The following RSRC1 variants were observed in gnomAD, a reference collection of about 807,000 sequenced individuals.
RSRC1 encodes the protein arginine and serine rich coiled-coil 1.
A neutral mutation model predicts 49.1 loss-of-function variants in RSRC1; 39 were observed. The observed-to-expected ratio is 0.79, with a 90% CI of 0.61 to 1.04. The LOEUF is 1.04. Ranked by LOEUF, RSRC1 falls within the 50% of genes least tolerant of loss-of-function variation. The pLI is 0.00. For missense variants in RSRC1, 388 were observed against 402.4 expected (o/e 0.96, Z 0.31); for synonymous variants, 143 against 130.8 (o/e 1.09, Z -0.63).
At chr3:158,342,027 T>C (rs1730273760) in intron 5 of RSRC1, among the ~76,000 whole-genome samples, 1 of 152,234 alleles carries the variant, frequency 6.6e-6, no homozygotes, top group African/African-American at 2.4e-5. Flanking sequence ...GGAATGGCTA[T>C]ATTTACCCAA....
intron 1 of RSRC1, among the ~76,000 whole-genome samples, chr3:158,120,219 A>G (rs1297593015): frequency 6.6e-6 from 1 of 152,188 alleles, no homozygotes; most frequent in Non-Finnish European, 1.5e-5. Flanking sequence ...TGGCTTAGAT[A>G]TGTAAGTGAT....
At chr3:158,514,188 T>A (rs1352208367) in intron 7 of RSRC1, among the ~76,000 whole-genome samples, 25 of 152,258 alleles carry the variant, frequency 1.6e-4, no homozygotes, top group Admixed American at 2.6e-4. Flanking sequence ...TTGCTTTTCT[T>A]GTTCTTTTAA....
rs1408505763 is a variant in RSRC1, at chr3:158,539,729, G to A, written c.759+2531G>A. Among the ~76,000 whole-genome samples the A allele has an allele frequency of 6.6e-6, 1 of 152,110 alleles. No homozygotes were observed. The highest frequency in any genetic ancestry group is 1.5e-5 in the Non-Finnish European group (1 of 68,006). The stretch of plus-strand genomic sequence containing the variant: ...TCTCACTTAAATAAAGAAGCAATTA[G>A]TGGTTCTCTCTACAAATTTTTAATT... On this transcript the variant is annotated intron_variant, in intron 8 of 9. Transcript: ENST00000611884. This position sits in a 1 kb window ranked among gnomAD's most constrained non-coding sequence, Gnocchi z 4.1.
chr3:158,162,329 G>T (rs1718278620), intron 3 of RSRC1, among the ~76,000 whole-genome samples: 1 of 152,122 alleles, frequency 6.6e-6, no homozygotes, highest in African/African-American at 2.4e-5. Flanking sequence ...TACTTTTTTA[G>T]TCGGGCCTAC....
At chr3:158,355,067 A>T in intron 6 of RSRC1, 159 bp downstream of exon 6, 1 of 464,206 alleles carries the variant, frequency 2.2e-6, no homozygotes, top group Non-Finnish European at 3.8e-6. Flanking sequence ...ATTATCTGAA[A>T]TATTTATTGC....
At chr3:158,454,495 A>G (rs2108395176) in intron 6 of RSRC1, among the ~76,000 whole-genome samples, 1 of 152,262 alleles carries the variant, frequency 6.6e-6, no homozygotes, top group South Asian at 2.1e-4. Flanking sequence ...ATCTTCTAAC[A>G]CATTCATTTA....
intron 3 of RSRC1, among the ~76,000 whole-genome samples, chr3:158,189,796 C>T (rs1056195056): frequency 1.3e-5 from 2 of 151,710 alleles, no homozygotes; most frequent in Non-Finnish European, 2.9e-5. Context: ...TTTGTCCAAT[C>T]CATTTTTTCG....
At chr3:158,497,499 C>G (rs904394554) in intron 7 of RSRC1, among the ~76,000 whole-genome samples, 1 of 149,304 alleles carries the variant, frequency 6.7e-6, no homozygotes, top group Non-Finnish European at 1.5e-5. Context: ...TGCAGTGGCT[C>G]AATCTCGGCT....
intron 4 of RSRC1, among the ~76,000 whole-genome samples, chr3:158,286,545 A>G (rs1233827376): frequency 6.6e-6 from 1 of 152,192 alleles, no homozygotes; most frequent in Non-Finnish European, 1.5e-5. Flanking sequence ...AAGTGCAAAG[A>G]GGTCTTTAGG....
chr3:158,202,958 T>A (rs1030964377), intron 3 of RSRC1, 114 bp from the exon 4 acceptor site: 2 of 722,354 alleles, frequency 2.8e-6, no homozygotes, highest in African/African-American at 3.6e-5. Flanking sequence ...GGTTATTTAT[T>A]TCTGAGTCCA....
chr3:158,325,252 T>G lies in RSRC1; in HGVS notation c.531+27177T>G, dbSNP rs1729058156. ...GTTTAATTAGATCCCATTTGTCAAT[T>G]TTGGCTTCTGTTGCCATTGCTTTTG... On this transcript the variant is annotated intron_variant, in intron 5 of 9. Coordinates refer to ENST00000611884, the MANE Select transcript of RSRC1 (RefSeq NM_001271838.2). 2.6e-5 allele frequency among the ~76,000 whole-genome samples: 4 copies of G among 152,364 alleles called. 1 individual carries two copies. In the South Asian group the frequency reaches 8.3e-4, roughly 32 times the overall value.
intron 6 of RSRC1, among the ~76,000 whole-genome samples, chr3:158,358,466 G>T (rs1731278460): frequency 6.6e-6 from 1 of 152,124 alleles, no homozygotes; most frequent in Non-Finnish European, 1.5e-5. Flanking sequence ...CTAATGAATA[G>T]TGGAAAGATC....
At chr3:158,456,879 A>G (rs778003305) in intron 6 of RSRC1, among the ~76,000 whole-genome samples, 1 of 152,106 alleles carries the variant, frequency 6.6e-6, no homozygotes, top group East Asian at 1.9e-4. Context: ...AAATTCATAC[A>G]TAATAGTTGT....
intron 6 of RSRC1, among the ~76,000 whole-genome samples, chr3:158,402,138 A>G (rs1187027754): frequency 6.6e-6 from 1 of 151,900 alleles, no homozygotes; most frequent in Non-Finnish European, 1.5e-5. Context: ...ACCTTGAGTA[A>G]TTATAGCTAG....
intron 5 of RSRC1, among the ~76,000 whole-genome samples, chr3:158,354,188 A>C (rs921910255): frequency 1.3e-5 from 2 of 151,492 alleles, no homozygotes; most frequent in South Asian, 2.1e-4. Flanking sequence ...ATGGGGTTTC[A>C]CCATGTTGGC....
chr3:158,415,967 T>C (rs1254197762), intron 6 of RSRC1, among the ~76,000 whole-genome samples: 1 of 152,048 alleles, frequency 6.6e-6, no homozygotes, highest in Non-Finnish European at 1.5e-5. Context: ...TATCTAGACT[T>C]ATCTTTTTGT....
chr3:158,396,822 T>G (rs1733637340), intron 6 of RSRC1, among the ~76,000 whole-genome samples: 1 of 152,150 alleles, frequency 6.6e-6, no homozygotes, highest in Non-Finnish European at 1.5e-5. Context: ...CAATAATGGC[T>G]AAGATTTACT....
intron 6 of RSRC1, among the ~76,000 whole-genome samples, chr3:158,388,182 A>ATATT (rs376177093): frequency 6.6e-5 from 10 of 151,704 alleles, no homozygotes; most frequent in African/African-American, 2.4e-4. Context: ...TCAAACATTA[A>ATATT]TATTATATAA....
chr3:158,544,485 C>A lies in RSRC1; in HGVS notation c.*210C>A. The A allele has an allele frequency of 2.7e-6, 1 of 365,728 alleles. No individual in the cohort carries two copies. 22.7% of individuals were successfully genotyped at this position (365,728 alleles called of 1,614,324 possible). ...AAAATTAAAACAAAATTTAAGATTGCATGAAAATGTTATACTGTTAATAAA... is the reference window on the plus strand; with the variant it reads ...AAAATTAAAACAAAATTTAAGATTGAATGAAAATGTTATACTGTTAATAAA... On this transcript the variant is annotated 3_prime_UTR_variant, in exon 10 of 10. Transcript: ENST00000611884.
Sources: gnomAD v4.1 joint callset for allele counts (sites outside exome capture counted in the v4.1 genomes callset) on GRCh38, gnomAD v4.1.1 for gene constraint, Gnocchi (gnomAD v3.1) non-coding constraint, MANE v1.5 for transcripts, NCBI Gene and HGNC (gene_info 2026-07-23, HGNC 2026-07-21) for gene names.